Variants in KIAA1217 observed in about 807,000 individuals in gnomAD.
The protein encoded by KIAA1217 is KIAA1217.
Under a neutral mutation model 163.9 loss-of-function variants are expected in KIAA1217, and 88 were observed. The observed-to-expected ratio is 0.54, with a 90% CI of 0.45 to 0.64. The LOEUF is 0.64. Ranked by LOEUF, KIAA1217 falls within the 30% of genes least tolerant of loss-of-function variation. The probability of loss-of-function intolerance (pLI) is 0.00; values close to 1 mark genes in which losing one functional copy is unlikely to be tolerated. For synonymous variants in KIAA1217, 903 were observed against 923.1 expected, an observed-to-expected ratio of 0.98 and a Z score of 0.39; for missense variants, 2,372 against 2,475.0, an observed-to-expected ratio of 0.96 and a Z score of 0.88.
chr10:24,245,803 T>C (rs2131382453), intron 2 of KIAA1217, among the ~76,000 whole-genome samples: 1 of 152,028 alleles, frequency 6.6e-6, no homozygotes, highest in Non-Finnish European at 1.5e-5. Context: ...ACTAATTTTT[T>C]TTTTTTTTCT....
intron 2 of KIAA1217, among the ~76,000 whole-genome samples, chr10:24,100,145 T>A: frequency 6.6e-6 from 1 of 152,086 alleles, no homozygotes; most frequent in Non-Finnish European, 1.5e-5. Context: ...TTAGGGTTTT[T>A]TTTGTTTGTT....
intron 2 of KIAA1217, among the ~76,000 whole-genome samples, chr10:24,324,108 A>G (rs2044551114): frequency 6.6e-6 from 1 of 151,350 alleles, no homozygotes; most frequent in African/African-American, 2.4e-5. Context: ...CTCTACAAAA[A>G]AAAATTTAAA....
At chr10:23,838,697 A>G (rs1012909709) in intron 1 of KIAA1217, among the ~76,000 whole-genome samples, 2 of 152,114 alleles carry the variant, frequency 1.3e-5, no homozygotes, top group African/African-American at 4.8e-5. Flanking sequence ...CTGACCTCAA[A>G]TGATCCACCC....
chr10:24,002,189 G>C (rs1846772111), intron 1 of KIAA1217, among the ~76,000 whole-genome samples: 1 of 152,166 alleles, frequency 6.6e-6, no homozygotes, highest in South Asian at 2.1e-4. Context: ...GAGCAGATTT[G>C]TGGCAATTGC....
chr10:24,297,211 T>C (rs2040728285), intron 2 of KIAA1217, among the ~76,000 whole-genome samples: 1 of 152,190 alleles, frequency 6.6e-6, no homozygotes. Flanking sequence ...GTCACAATAA[T>C]TGGAGCAGTT....
At chr10:24,264,979 T>G (rs2076097187) in intron 2 of KIAA1217, among the ~76,000 whole-genome samples, 1 of 152,032 alleles carries the variant, frequency 6.6e-6, no homozygotes, top group Non-Finnish European at 1.5e-5. Context: ...ACCTCCTGAG[T>G]AGCTGGGACT....
chr10:24,404,590 A>G (rs1247693217), intron 3 of KIAA1217, among the ~76,000 whole-genome samples: 1 of 150,822 alleles, frequency 6.6e-6, no homozygotes, highest in African/African-American at 2.4e-5. Flanking sequence ...AAAAAAAAAA[A>G]AAACTGAAAA....
chr10:23,787,433 A>C (rs1337237388), intron 1 of KIAA1217, among the ~76,000 whole-genome samples: 1 of 152,162 alleles, frequency 6.6e-6, no homozygotes, highest in Non-Finnish European at 1.5e-5. Context: ...ATAATTCTAC[A>C]GGTACAGATA....
intron 1 of KIAA1217, among the ~76,000 whole-genome samples, chr10:23,813,743 T>C (rs1388815929): frequency 1.3e-5 from 2 of 152,156 alleles, no homozygotes; most frequent in African/African-American, 4.8e-5. Flanking sequence ...TGGGTTCTAG[T>C]TAAGAAGTAG....
chr10:24,024,905 G>T (rs1304298233), intron 2 of KIAA1217, among the ~76,000 whole-genome samples: 1 of 151,624 alleles, frequency 6.6e-6, no homozygotes, highest in Admixed American at 6.6e-5. Context: ...TGATTTTTAA[G>T]AATTCTTTAT....
chr10:24,230,469 C>T (rs952127258), intron 2 of KIAA1217, among the ~76,000 whole-genome samples: 10 of 147,622 alleles, frequency 6.8e-5, no homozygotes, highest in Non-Finnish European at 1.2e-4. Context: ...ATCCTCTCTA[C>T]AACTCTGTTG....
intron 10 of KIAA1217, among the ~76,000 whole-genome samples, chr10:24,515,312 C>A (rs1311253285): frequency 1.3e-5 from 2 of 152,138 alleles, no homozygotes; most frequent in African/African-American, 4.8e-5. Context: ...AGGTGATCCA[C>A]CTGCCTCAGC....
rs117168396 is a variant in KIAA1217, at chr10:24,235,981, C to T, written c.354+16072C>T. Among the ~76,000 whole-genome samples, 442 of 152,230 alleles carry T rather than the reference C, an allele frequency of 2.9e-3. 9 individuals carry two copies. In the East Asian group the frequency reaches 0.053, roughly 18 times the overall value. ...AAGTACAGGTGTTTTGGGTTTAAAT[C>T]TCGGGTCAGCCTGAGTTCAAATCTC... On this transcript the variant is annotated intron_variant, in intron 2 of 20. Coordinates refer to ENST00000376454, the MANE Select transcript of KIAA1217 (RefSeq NM_019590.5).
intron 2 of KIAA1217, among the ~76,000 whole-genome samples, chr10:24,065,179 T>C (rs565895545): frequency 2.0e-5 from 3 of 152,246 alleles, no homozygotes; most frequent in Non-Finnish European, 4.4e-5. Context: ...TCTTGCCTTC[T>C]GCTAGCTTTT....
intron 1 of KIAA1217, among the ~76,000 whole-genome samples, chr10:23,745,776 A>T (rs1839375132): frequency 6.6e-6 from 1 of 152,196 alleles, no homozygotes; most frequent in Admixed American, 6.5e-5. Context: ...GATAAATCAT[A>T]GCCTTGTAGA....
chr10:24,326,024 G>A (rs2044832527), intron 2 of KIAA1217, among the ~76,000 whole-genome samples: 1 of 152,146 alleles, frequency 6.6e-6, no homozygotes, highest in African/African-American at 2.4e-5. Flanking sequence ...AACAGGACCT[G>A]CCCCGCTAAG....
At chr10:24,250,280 G>C (rs983142781) in intron 2 of KIAA1217, among the ~76,000 whole-genome samples, 2 of 152,122 alleles carry the variant, frequency 1.3e-5, no homozygotes, top group Non-Finnish European at 2.9e-5. Flanking sequence ...TCAGCCTAGA[G>C]AAAGAATACT....
chr10:24,347,428 A>G (rs746695815), intron 2 of KIAA1217, among the ~76,000 whole-genome samples: 1 of 152,160 alleles, frequency 6.6e-6, no homozygotes, highest in Non-Finnish European at 1.5e-5. Flanking sequence ...TCCTTCCTCT[A>G]CACTTTCCTT....
At chr10:23,722,748 C>T (rs1837937575) in intron 1 of KIAA1217, among the ~76,000 whole-genome samples, 2 of 152,244 alleles carry the variant, frequency 1.3e-5, no homozygotes, top group South Asian at 4.1e-4. Context: ...TGTTCCAGGT[C>T]ATATAGTGCT....
Sources: allele counts gnomAD v4.1 joint callset (sites outside exome capture counted in the v4.1 genomes callset), GRCh38; gene constraint gnomAD v4.1.1; transcripts MANE v1.5; gene names NCBI Gene and HGNC (gene_info 2026-07-23, HGNC 2026-07-21).